TMEM132B: variants seen among roughly 807,000 people sequenced by gnomAD.
The protein encoded by TMEM132B is transmembrane protein 132B.
TMEM132B carries 18 observed loss-of-function variants against 90.8 expected under a neutral mutation model. The observed-to-expected ratio is 0.20, with a 90% confidence interval of 0.14 to 0.29. The LOEUF (loss-of-function observed/expected upper bound fraction) is 0.29, where lower values mean the gene tolerates loss of function less well. TMEM132B is among the 10% of genes least tolerant of loss of function. TMEM132B has a pLI of 1.00. For synonymous variants in TMEM132B, 504 were observed against 523.3 expected (o/e 0.96, Z 0.50); for missense variants, 1,096 against 1,326.8 (o/e 0.83, Z 2.70).
chr12:125,398,860 A>G (rs1879233256), intron 2 of TMEM132B, among the ~76,000 whole-genome samples: 2 of 152,148 alleles, frequency 1.3e-5, no homozygotes, highest in South Asian at 4.1e-4. Context: ...TTTGGATCTC[A>G]CAGGCTGCAG....
At chr12:125,198,183 C>G (rs141819101) in intron 1 of TMEM132B, among the ~76,000 whole-genome samples, 223 of 152,286 alleles carry the variant, frequency 1.5e-3, no homozygotes, top group African/African-American at 4.8e-3. Flanking sequence ...CAATGTGATG[C>G]TGCAATGGAG....
chr12:125,243,032 T>TATATATATATATATATAC (rs1215676534), intron 1 of TMEM132B, among the ~76,000 whole-genome samples: 75 of 134,992 alleles, frequency 5.6e-4, no homozygotes, highest in Admixed American at 9.7e-4. Flanking sequence ...TATATATATA[T>TATATATATATATATATAC]ACACACACAC....
At chr12:125,250,815 C>G (rs1214923390) in intron 1 of TMEM132B, among the ~76,000 whole-genome samples, 1 of 152,344 alleles carries the variant, frequency 6.6e-6, no homozygotes, top group Admixed American at 6.5e-5. Context: ...CACTCAGGAG[C>G]CTGCAGGCCC....
At position 125,275,413 on chromosome 12, in the gene TMEM132B, C is replaced by G. The variant is rs762251992; in HGVS notation, c.68-74039C>G. 6.8e-4 allele frequency among the ~76,000 whole-genome samples: 103 copies of G among 152,308 alleles called. 1 individual carries two copies. Among genetic ancestry groups the G allele is most frequent in the Non-Finnish European group, 1.3e-3 (90 of 68,026 alleles). On this transcript the variant is annotated intron_variant, in intron 1 of 8. Transcript: ENST00000682704. Reference sequence around the variant, plus strand: ...CCCATTATGTGTCAGGCCTGATGATCATGGCTGAGGAATCAAAGAAACTGA... The same window carrying G: ...CCCATTATGTGTCAGGCCTGATGATGATGGCTGAGGAATCAAAGAAACTGA...
At chr12:125,450,490 A>G (rs1490844979) in intron 3 of TMEM132B, among the ~76,000 whole-genome samples, 1 of 152,208 alleles carries the variant, frequency 6.6e-6, no homozygotes, top group Non-Finnish European at 1.5e-5. Context: ...ATAAATAAGC[A>G]CATAAATAAA....
rs183254701 is a variant in TMEM132B, at chr12:125,387,719, A to G, written c.960-27812A>G. Reference sequence around the variant, plus strand: ...AGGTTTAAAATAAGAAATGGTGGTGAATTTTAAGAAGCTTGTTACTGAGAT... The same window carrying G: ...AGGTTTAAAATAAGAAATGGTGGTGGATTTTAAGAAGCTTGTTACTGAGAT... On this transcript the variant is annotated intron_variant, in intron 2 of 8. Coordinates refer to ENST00000682704, the MANE Select transcript of TMEM132B (RefSeq NM_001366854.1). Among the ~76,000 whole-genome samples the G allele has an allele frequency of 1.6e-3, 242 of 152,288 alleles. 2 individuals carry two copies. Among genetic ancestry groups the G allele is most frequent in the African/African-American group, 5.5e-3 (230 of 41,566 alleles).
chr12:125,240,971 C>G (rs969199447), intron 1 of TMEM132B, among the ~76,000 whole-genome samples: 2 of 152,174 alleles, frequency 1.3e-5, no homozygotes, highest in African/African-American at 4.8e-5. Flanking sequence ...CTCCAGTGCC[C>G]CAGAAGTGAG....
Position 125,425,128 on chromosome 12 carries a change from G to A in TMEM132B, c.1106+9451G>A, listed in dbSNP as rs559197543. 2.6e-5 allele frequency among the ~76,000 whole-genome samples: 4 copies of A among 152,274 alleles called. No individual in the cohort carries two copies. In the East Asian group the frequency reaches 7.7e-4, roughly 29 times the overall value. On this transcript the variant is annotated intron_variant, in intron 3 of 8. Transcript: ENST00000682704. ...GCTCAGAGGTGCCTGACTCAAGCTT[G>A]GTTAAGGAGAAGGTTGCAGTGCCCC...
intron 1 of TMEM132B, among the ~76,000 whole-genome samples, chr12:125,290,482 TAA>T (rs1474126798): frequency 1.3e-5 from 2 of 152,220 alleles, no homozygotes; most frequent in African/African-American, 2.4e-5. Context: ...CAATTTTTCT[TAA>T]GTTTGCTATC....
intron 1 of TMEM132B, among the ~76,000 whole-genome samples, chr12:125,341,395 TTAA>T (rs532437517): frequency 8.9e-4 from 136 of 152,368 alleles, no homozygotes; most frequent in Non-Finnish European, 7.2e-4. Flanking sequence ...AACTGATGAC[TTAA>T]TGATGATAAC....
At chr12:125,272,043 C>CAGAG (rs1363040054) in intron 1 of TMEM132B, among the ~76,000 whole-genome samples, 1 of 152,022 alleles carries the variant, frequency 6.6e-6, no homozygotes, top group African/African-American at 2.4e-5. Context: ...GGCTCTCAGA[C>CAGAG]AGAGACCTGC....
At chr12:125,420,205 G>A (rs759925081) in intron 3 of TMEM132B, among the ~76,000 whole-genome samples, 2 of 152,258 alleles carry the variant, frequency 1.3e-5, no homozygotes, top group South Asian at 4.1e-4. Context: ...GGGACTCTGT[G>A]TGGGGGCTTC....
intron 5 of TMEM132B, among the ~76,000 whole-genome samples, chr12:125,624,012 T>G (rs1423683049): frequency 6.6e-6 from 1 of 152,194 alleles, no homozygotes; most frequent in Non-Finnish European, 1.5e-5. Context: ...AGCAGTGCAG[T>G]GATCCCCATT....
chr12:125,302,957 C>T (rs1163379543), intron 1 of TMEM132B, among the ~76,000 whole-genome samples: 1 of 151,992 alleles, frequency 6.6e-6, no homozygotes, highest in African/African-American at 2.4e-5. Flanking sequence ...ATTAGCCAGG[C>T]ATGATGGCAG....
intron 2 of TMEM132B, among the ~76,000 whole-genome samples, chr12:125,386,368 A>C (rs1878833220): frequency 6.6e-6 from 1 of 152,230 alleles, no homozygotes; most frequent in East Asian, 1.9e-4. Flanking sequence ...TTCAAGGAGA[A>C]AAAGTGCCTG....
At chr12:125,256,346 A>T (rs1422130840) in intron 1 of TMEM132B, among the ~76,000 whole-genome samples, 1 of 152,224 alleles carries the variant, frequency 6.6e-6, no homozygotes, top group African/African-American at 2.4e-5. Context: ...AAGGTCAGTC[A>T]TGGAGGGGTG....
Position 125,626,460 on chromosome 12 carries a change from C to A in TMEM132B, c.1438-17616C>A, listed in dbSNP as rs1886233930. ...AATTCTTAGGTTTTTGAGAGACTCC[C>A]AAGCTTTTCTCCATAGTGGTTGTAC... On this transcript the variant is annotated intron_variant, in intron 5 of 8. Coordinates refer to ENST00000682704, the MANE Select transcript of TMEM132B (RefSeq NM_001366854.1). Among the ~76,000 whole-genome samples, 4 of 152,286 alleles carry A rather than the reference C, an allele frequency of 2.6e-5. No homozygotes were observed. The South Asian group carries it at 8.3e-4, about 32-fold the overall frequency.
At chr12:125,293,718 T>C (rs188583250) in intron 1 of TMEM132B, among the ~76,000 whole-genome samples, 14 of 152,360 alleles carry the variant, frequency 9.2e-5, no homozygotes, top group South Asian at 2.1e-4. Context: ...CCTAGGTTGA[T>C]CCCATGTATT....
Position 125,632,696 on chromosome 12 carries a change from A to C in TMEM132B, c.1438-11380A>C, listed in dbSNP as rs190671313. Among the ~76,000 whole-genome samples, 664 of 152,148 alleles carry C rather than the reference A, an allele frequency of 4.4e-3. 4 individuals carry two copies. The highest frequency in any genetic ancestry group is 0.015 in the African/African-American group (642 of 41,518). On this transcript the variant is annotated intron_variant, in intron 5 of 8. Coordinates refer to ENST00000682704, the MANE Select transcript of TMEM132B (RefSeq NM_001366854.1). ...TGTCAAAGTTTTTTTTTCCTCCTTCAGCACTTTAAATATGTCATGCCACTC... is the reference window on the plus strand; with the variant it reads ...TGTCAAAGTTTTTTTTTCCTCCTTCCGCACTTTAAATATGTCATGCCACTC...
Sources: gnomAD v4.1 joint callset for allele counts (sites outside exome capture counted in the v4.1 genomes callset) on GRCh38, gnomAD v4.1.1 for gene constraint, MANE v1.5 for transcripts, NCBI Gene and HGNC (gene_info 2026-07-23, HGNC 2026-07-21) for gene names.